Variants in CLEC5A observed in about 807,000 individuals in gnomAD.
CLEC5A encodes C-type lectin domain family 5 member A.
In CLEC5A, 15 loss-of-function variants were observed where a neutral mutation model predicts 24.4. That is an observed-to-expected ratio of 0.62 (90% CI 0.41 to 0.95). CLEC5A has a LOEUF of 0.95. Among genes scored for constraint, CLEC5A ranks in the 40% least tolerant of loss-of-function variants. The pLI is 0.00. For missense variants in CLEC5A, 211 were observed against 224.0 expected, an observed-to-expected ratio of 0.94 and a Z score of 0.37; for synonymous variants, 71 against 72.6, an observed-to-expected ratio of 0.98 and a Z score of 0.11.
rs1166559516 is a variant in CLEC5A at position 141,928,210 on chromosome 7, C to T, written c.*1894G>A. ...CCCACTCCCACCCCAGGCCATTGGG[C>T]TCCTTTTAGAACCTGCACAGAAGTG... On this transcript the variant is annotated 3_prime_UTR_variant, in exon 7 of 7. Coordinates refer to ENST00000546910, the MANE Select transcript of CLEC5A (RefSeq NM_013252.3). 1 of 152,552 alleles carries T rather than the reference C, an allele frequency of 6.6e-6. No individual in the cohort carries two copies. The highest frequency in any genetic ancestry group is 6.5e-5 in the Admixed American group (1 of 15,282). 9.4% of individuals were successfully genotyped at this position (152,552 alleles called of 1,614,324 possible). A position where few individuals can be genotyped will look rare whatever the true frequency, so the allele number is the denominator to read the frequency against.
intron 2 of CLEC5A, 175 bp downstream of exon 2, chr7:141,946,039 A>G: frequency 3.2e-6 from 2 of 634,370 alleles, no homozygotes; most frequent in Non-Finnish European, 5.4e-6. Context: ...AGCCTGGGCC[A>G]CTGTGTGTGC....
intron 3 of CLEC5A, among the ~76,000 whole-genome samples, 164 bp downstream of exon 3, chr7:141,945,177 C>G (rs1436886678): frequency 6.6e-6 from 1 of 152,140 alleles, no homozygotes; most frequent in Non-Finnish European, 1.5e-5. Context: ...TCAGTCTGCT[C>G]TTGGTTTTCT....
intron 4 of CLEC5A, 60 bp from the exon 5 acceptor site, chr7:141,936,010 C>T: frequency 1.4e-6 from 2 of 1,391,670 alleles, no homozygotes; most frequent in Non-Finnish European, 2.0e-6. Flanking sequence ...AATCCTGCAA[C>T]TAAGTCATGA....
At chr7:141,931,852 A>G in intron 5 of CLEC5A, 26 bp from the exon 6 acceptor site, 1 of 1,127,584 alleles carries the variant, frequency 8.9e-7, no homozygotes, top group Non-Finnish European at 1.3e-6. Flanking sequence ...AAATTTTACC[A>G]GTGAGTCTTT....
At chr7:141,931,998 G>A in intron 5 of CLEC5A, 172 bp from the exon 6 acceptor site, 1 of 481,994 alleles carries the variant, frequency 2.1e-6, no homozygotes, top group Non-Finnish European at 3.7e-6. Context: ...TCAAGATTCA[G>A]AGGGAATTTG....
intron 4 of CLEC5A, 39 bp downstream of exon 4, chr7:141,943,857 C>G (rs1161969677): frequency 7.5e-7 from 1 of 1,337,560 alleles, no homozygotes; most frequent in Non-Finnish European, 1.1e-6. Context: ...TGCATGAGAA[C>G]CTAGGGGATG....
At chr7:141,936,043 T>G in intron 4 of CLEC5A, 93 bp from the exon 5 acceptor site, 1 of 1,079,276 alleles carries the variant, frequency 9.3e-7, no homozygotes. Context: ...TATTTTTGCT[T>G]TGTTTTAACA....
At position 141,930,083 on chromosome 7, in the gene CLEC5A, T is replaced by C; in HGVS notation, c.*21A>G. 1 of 1,572,872 alleles carries C rather than the reference T, an allele frequency of 6.4e-7. No individual in the cohort carries two copies. Among genetic ancestry groups the C allele is most frequent in the Admixed American group, 1.7e-5 (1 of 59,566 alleles). Reference sequence around the variant, plus strand: ...ATTCAAAAAGAGTTGCAAGTATAGTTCTTGTCACAGGGAACTGTGATCATT... The same window carrying C: ...ATTCAAAAAGAGTTGCAAGTATAGTCCTTGTCACAGGGAACTGTGATCATT... On this transcript the variant is annotated 3_prime_UTR_variant, in exon 7 of 7. Coordinates refer to ENST00000546910, the MANE Select transcript of CLEC5A (RefSeq NM_013252.3).
At position 141,935,504 on chromosome 7, in the gene CLEC5A, A is replaced by G. The variant is rs151054190; in HGVS notation, c.345+310T>C. Among the ~76,000 whole-genome samples the G allele has an allele frequency of 2.1e-3, 325 of 152,258 alleles. 4 individuals are homozygous for G. Among genetic ancestry groups the G allele is most frequent in the African/African-American group, 7.6e-3 (314 of 41,544 alleles). On this transcript the variant is annotated intron_variant, in intron 5 of 6. Coordinates refer to ENST00000546910, the MANE Select transcript of CLEC5A (RefSeq NM_013252.3). Reference sequence around the variant, plus strand: ...AAACAACTTTTATACACATCATCTCATTTGGTCATTTGCTTCACTTTAAAT... The same window carrying G: ...AAACAACTTTTATACACATCATCTCGTTTGGTCATTTGCTTCACTTTAAAT...
intron 4 of CLEC5A, among the ~76,000 whole-genome samples, chr7:141,939,496 G>A (rs966726185): frequency 1.3e-5 from 2 of 151,104 alleles, no homozygotes; most frequent in Non-Finnish European, 3.0e-5. Context: ...TTCACTAAAA[G>A]GAAGACAGGA....
rs782206177 is a variant in CLEC5A, at chr7:141,930,153, G to A, written c.518C>T (p.Ala173Val). 3.1e-6 allele frequency: 5 copies of A among 1,614,040 alleles called. No homozygotes were observed. The African/African-American group carries it at 6.7e-5, about 22-fold the overall frequency. Residue 173 changes from alanine (A) to valine (V), a missense_variant, in exon 7 of 7, where the codon GCA becomes GTA. Physicochemically the swap from Ala to Val is moderately conservative, Grantham distance 64 (BLOSUM62 0). Coordinates refer to ENST00000546910, the MANE Select transcript of CLEC5A (RefSeq NM_013252.3). ...TIGLTKTFDA[A>V]SCDISYRRIC... ...CCTGCGGTAGCTGATGTCACATGAT[G>A]CAGCATCAAATGTCTTTGTTAGGCC...
At chr7:141,939,765 C>T (rs1300017288) in intron 4 of CLEC5A, among the ~76,000 whole-genome samples, 2 of 151,780 alleles carry the variant, frequency 1.3e-5, no homozygotes, top group African/African-American at 2.4e-5. Context: ...CAATGGAAAC[C>T]GAAAAGGAGC....
At chr7:141,934,711 C>T (rs1175285148) in intron 5 of CLEC5A, among the ~76,000 whole-genome samples, 5 of 149,538 alleles carry the variant, frequency 3.3e-5, no homozygotes, top group Non-Finnish European at 7.4e-5. Flanking sequence ...CTGCAGCCTC[C>T]GCCTCCTGGA....
chr7:141,931,911 G>A (rs1802480069), intron 5 of CLEC5A, 85 bp from the exon 6 acceptor site: 5 of 645,300 alleles, frequency 7.7e-6, no homozygotes, highest in Non-Finnish European at 1.4e-5. Flanking sequence ...ATCTGATCCT[G>A]GGAATAAGGA....
chr7:141,941,473 T>C (rs949005793), intron 4 of CLEC5A, among the ~76,000 whole-genome samples: 4 of 151,972 alleles, frequency 2.6e-5, no homozygotes, highest in Non-Finnish European at 5.9e-5. Flanking sequence ...CCAGCATATA[T>C]TGAATGGGGA....
chr7:141,937,304 G>A (rs971169829), intron 4 of CLEC5A, among the ~76,000 whole-genome samples: 2 of 152,024 alleles, frequency 1.3e-5, no homozygotes, highest in African/African-American at 4.8e-5. Flanking sequence ...CAGACATAAA[G>A]GGTAGGTTCT....
At chr7:141,946,054 G>C (rs1802944182) in intron 2 of CLEC5A, 160 bp downstream of exon 2, 1 of 682,924 alleles carries the variant, frequency 1.5e-6, no homozygotes, top group Non-Finnish European at 2.5e-6. Context: ...GTGTGCTGGG[G>C]AGTGAGAAAG....
intron 4 of CLEC5A, among the ~76,000 whole-genome samples, chr7:141,937,506 G>A (rs906872908): frequency 1.3e-5 from 2 of 152,130 alleles, no homozygotes; most frequent in Non-Finnish European, 2.9e-5. Flanking sequence ...CTCAGCCACA[G>A]GAGGACAGAA....
At chr7:141,943,102 T>C (rs1802846299) in intron 4 of CLEC5A, among the ~76,000 whole-genome samples, 1 of 152,144 alleles carries the variant, frequency 6.6e-6, no homozygotes, top group African/African-American at 2.4e-5. Context: ...GAAATCAGTA[T>C]ATTGAAGAGA....
Sources: allele counts gnomAD v4.1 joint callset (sites outside exome capture counted in the v4.1 genomes callset), GRCh38; gene constraint gnomAD v4.1.1; transcripts MANE v1.5; gene names NCBI Gene and HGNC (gene_info 2026-07-23, HGNC 2026-07-21).